Variants in E2F3 observed in about 807,000 individuals in gnomAD.
E2F3 encodes the protein transcription factor E2F3.
Under a neutral mutation model 44.4 loss-of-function variants are expected in E2F3, and 11 were observed. That is an observed-to-expected ratio of 0.25 (90% CI 0.16 to 0.41). E2F3 has a LOEUF of 0.41. Among genes scored for constraint, E2F3 ranks in the 10% least tolerant of loss-of-function variants. The pLI, the probability that E2F3 is intolerant of heterozygous loss-of-function variation, is 1.00. For missense variants in E2F3, 487 were observed against 583.6 expected, an observed-to-expected ratio of 0.83 and a Z score of 1.70; for synonymous variants, 249 against 253.0, an observed-to-expected ratio of 0.98 and a Z score of 0.15.
intron 1 of E2F3, among the ~76,000 whole-genome samples, chr6:20,455,473 C>T (rs1046064712): frequency 6.6e-6 from 1 of 152,134 alleles, no homozygotes; most frequent in Admixed American, 6.6e-5. Flanking sequence ...AAGCTATGGA[C>T]CTTTCTAGAT....
chr6:20,428,224 TA>T (rs1167398662), intron 1 of E2F3, among the ~76,000 whole-genome samples: 1 of 151,152 alleles, frequency 6.6e-6, no homozygotes, highest in Non-Finnish European at 1.5e-5. Flanking sequence ...TTTTATTTTT[TA>T]TTTTTTTTTA....
chr6:20,472,402 CTG>C (rs1761922661), intron 1 of E2F3, among the ~76,000 whole-genome samples: 1 of 152,078 alleles, frequency 6.6e-6, no homozygotes, highest in African/African-American at 2.4e-5. Context: ...ATCCTGGTAT[CTG>C]TGCTGAACGT....
At chr6:20,424,210 GGTGTGTGTGTGTGTGTGT>G (rs57286350) in intron 1 of E2F3, among the ~76,000 whole-genome samples, 3 of 136,920 alleles carry the variant, frequency 2.2e-5, no homozygotes, top group Non-Finnish European at 4.6e-5. Flanking sequence ...TCAGTGGAAG[GGTGTGTGTGTGTGTGTGT>G]GTGTGTGTGT....
intron 1 of E2F3, among the ~76,000 whole-genome samples, chr6:20,411,740 A>T (rs1435803347): frequency 6.6e-6 from 1 of 152,166 alleles, no homozygotes; most frequent in African/African-American, 2.4e-5. Context: ...CATCAAGGGA[A>T]GGCGTAGGCA....
intron 1 of E2F3, among the ~76,000 whole-genome samples, chr6:20,475,600 C>G (rs1260558315): frequency 6.6e-6 from 1 of 152,198 alleles, no homozygotes; most frequent in African/African-American, 2.4e-5. Context: ...CTCCCAGGTT[C>G]AAGCAATTCT....
intron 1 of E2F3, among the ~76,000 whole-genome samples, chr6:20,428,651 G>C (rs1475958924): frequency 1.3e-5 from 2 of 152,156 alleles, no homozygotes; most frequent in Non-Finnish European, 2.9e-5. Context: ...CCTCTGATAC[G>C]TGCTAAGCAA....
At chr6:20,403,259 T>A (rs973536688) in intron 1 of E2F3, among the ~76,000 whole-genome samples, 1 of 150,868 alleles carries the variant, frequency 6.6e-6, no homozygotes, top group African/African-American at 2.4e-5. Flanking sequence ...GGGTGCGGAC[T>A]GGGGCGTGGG....
At chr6:20,439,588 GT>G (rs1760705575) in intron 1 of E2F3, among the ~76,000 whole-genome samples, 1 of 152,124 alleles carries the variant, frequency 6.6e-6, no homozygotes, top group Non-Finnish European at 1.5e-5. Context: ...CTTGCATACA[GT>G]GGCGTGATCA....
chr6:20,413,288 G>T (rs1016852981), intron 1 of E2F3, among the ~76,000 whole-genome samples: 2 of 152,148 alleles, frequency 1.3e-5, no homozygotes, highest in African/African-American at 4.8e-5. Context: ...TCCTCTGTCA[G>T]AAGCCCTAAG....
At chr6:20,470,738 A>C (rs1229390559) in intron 1 of E2F3, among the ~76,000 whole-genome samples, 1 of 152,096 alleles carries the variant, frequency 6.6e-6, no homozygotes, top group East Asian at 1.9e-4. Context: ...TTTAGCATTC[A>C]CAGTTTGTTA....
At chr6:20,460,996 CAAAAAAAAAA>C (rs61306918) in intron 1 of E2F3, among the ~76,000 whole-genome samples, 9 of 55,500 alleles carry the variant, frequency 1.6e-4, no homozygotes, top group Admixed American at 3.4e-4. Flanking sequence ...ACTCTATCTC[CAAAAAAAAAA>C]AAAAAAAAAA....
chr6:20,404,129 A>C (rs1460720442), intron 1 of E2F3, among the ~76,000 whole-genome samples: 1 of 134,910 alleles, frequency 7.4e-6, no homozygotes, highest in Non-Finnish European at 1.5e-5. Flanking sequence ...GCTTCTCGCC[A>C]ATGGCCGAGT....
intron 1 of E2F3, among the ~76,000 whole-genome samples, chr6:20,475,430 G>A (rs1188995562): frequency 6.6e-6 from 1 of 152,208 alleles, no homozygotes; most frequent in East Asian, 1.9e-4. Context: ...TGACCAGTGG[G>A]TGGTTCTTTA....
At chr6:20,411,978 T>C (rs1759689391) in intron 1 of E2F3, among the ~76,000 whole-genome samples, 1 of 152,248 alleles carries the variant, frequency 6.6e-6, no homozygotes, top group Non-Finnish European at 1.5e-5. Context: ...AGAGGCATTT[T>C]CATTAGACAC....
intron 1 of E2F3, among the ~76,000 whole-genome samples, chr6:20,419,507 G>A (rs1024806586): frequency 6.6e-6 from 1 of 151,976 alleles, no homozygotes; most frequent in Non-Finnish European, 1.5e-5. Context: ...TGCAGTTGCT[G>A]CTCATGCTAG....
At chr6:20,481,729 A>G (rs1762231298) in intron 3 of E2F3, among the ~76,000 whole-genome samples, 1 of 152,106 alleles carries the variant, frequency 6.6e-6, no homozygotes, top group South Asian at 2.1e-4. Context: ...TCTGTTACAT[A>G]GATGTCTGTG....
intron 3 of E2F3, among the ~76,000 whole-genome samples, 170 bp from the exon 4 acceptor site, chr6:20,482,590 GAA>G (rs372496935): frequency 0.083 from 11,265 of 135,516 alleles, 499 homozygotes; most frequent in Admixed American, 0.1. Context: ...CTGTATTTAT[GAA>G]AAAAAAAATA....
intron 1 of E2F3, among the ~76,000 whole-genome samples, chr6:20,476,921 T>C (rs369369412): frequency 9.3e-4 from 141 of 152,256 alleles, no homozygotes; most frequent in African/African-American, 3.3e-3. Context: ...TCCGGAGCCA[T>C]TAGAATGATG....
chr6:20,487,991 A>T, intron 5 of E2F3, 122 bp from the exon 6 acceptor site: 1 of 1,354,196 alleles, frequency 7.4e-7, no homozygotes, highest in Non-Finnish European at 1.0e-6. Context: ...GAGTTGGACT[A>T]GTAGGGAAAA....
Sources: gnomAD v4.1 joint callset for allele counts (sites outside exome capture counted in the v4.1 genomes callset) on GRCh38, gnomAD v4.1.1 for gene constraint, MANE v1.5 for transcripts, NCBI Gene and HGNC (gene_info 2026-07-23, HGNC 2026-07-21) for gene names.